The following NHS variants were observed in gnomAD, a reference collection of about 807,000 sequenced individuals.
NHS encodes NHS actin remodeling regulator, also known as actin remodeling regulator NHS.
A neutral mutation model predicts 72.5 loss-of-function variants in NHS; 5 were observed. The observed-to-expected ratio is 0.07, with a 90% confidence interval of 0.04 to 0.14. The LOEUF is 0.14. Among genes scored for constraint, NHS ranks in the 10% least tolerant of loss-of-function variants. NHS has a pLI of 1.00. For synonymous variants in NHS, 464 were observed against 547.7 expected (o/e 0.85, Z 2.13); for missense variants, 1,072 against 1,355.7 (o/e 0.79, Z 3.29).
intron 1 of NHS, among the ~76,000 whole-genome samples, chrX:17,512,474 C>T (rs769303260): frequency 2.7e-5 from 3 of 111,560 alleles, no homozygotes; most frequent in Non-Finnish European, 5.7e-5. Context: ...GTCAGAAACC[C>T]GAAGGAAAAT....
intron 1 of NHS, among the ~76,000 whole-genome samples, chrX:17,672,658 T>C (rs756352639): frequency 8.9e-6 from 1 of 112,528 alleles, no homozygotes; most frequent in South Asian, 3.7e-4. Flanking sequence ...TCCTGGTCAG[T>C]AGGTCGCCAT....
chrX:17,718,932 AAG>A (rs1282970350), intron 3 of NHS, among the ~76,000 whole-genome samples: 3 of 92,389 alleles, frequency 3.2e-5, no homozygotes, highest in Admixed American at 1.2e-4. Context: ...AAAGGAAGGA[AAG>A]AGGAAGGAAG....
chrX:17,691,064 T>C (rs1203348587), intron 2 of NHS, among the ~76,000 whole-genome samples: 2 of 111,297 alleles, frequency 1.8e-5, no homozygotes, highest in Non-Finnish European at 3.8e-5. Flanking sequence ...CAGAAAAAGG[T>C]ATTATTAGGG....
At chrX:17,658,498 G>A (rs1319913766) in intron 1 of NHS, among the ~76,000 whole-genome samples, 1 of 111,603 alleles carries the variant, frequency 9.0e-6, no homozygotes, top group African/African-American at 3.3e-5. Flanking sequence ...TATAATCACT[G>A]GGCAACTATT....
intron 1 of NHS, among the ~76,000 whole-genome samples, chrX:17,677,637 C>A (rs1205441290): frequency 1.8e-5 from 2 of 110,942 alleles, no homozygotes; most frequent in Non-Finnish European, 3.8e-5. Context: ...GAGAATGTGG[C>A]CTCGACAGGG....
chrX:17,414,780 A>T (rs756281669), intron 1 of NHS, among the ~76,000 whole-genome samples: 16 of 111,919 alleles, frequency 1.4e-4, no homozygotes, highest in Admixed American at 1.4e-3. Flanking sequence ...CACTCTGAAA[A>T]CGATGAATTA....
At chrX:17,513,170 G>GA (rs1288869996) in intron 1 of NHS, among the ~76,000 whole-genome samples, 1 of 111,973 alleles carries the variant, frequency 8.9e-6, no homozygotes, top group African/African-American at 3.2e-5. Flanking sequence ...TTCATTAGGG[G>GA]AAAAAATTAA....
chrX:17,403,170 G>A (rs1017030868), intron 1 of NHS, among the ~76,000 whole-genome samples: 1 of 111,679 alleles, frequency 9.0e-6, no homozygotes, highest in Non-Finnish European at 1.9e-5. Flanking sequence ...GAGAATGGAG[G>A]ATTGAACCTG....
intron 1 of NHS, among the ~76,000 whole-genome samples, chrX:17,539,393 T>C (rs192919294): frequency 5.7e-4 from 63 of 110,083 alleles, no homozygotes; most frequent in African/African-American, 2.0e-3. Context: ...TTACACCATG[T>C]ATCTGCTTCT....
At position 17,583,657 on chromosome X, in the gene NHS, C is replaced by T. The variant is rs764376682; in HGVS notation, c.566-104085C>T. On this transcript the variant is annotated intron_variant, in intron 1 of 8. Transcript: ENST00000676302. ...GCAGATAAGCAACTCCCGAAGGAAA[C>T]GAAGGAAAGTCAGTCTTCATGCCAT... 7.2e-4 allele frequency among the ~76,000 whole-genome samples: 81 copies of T among 112,075 alleles called. 2 individuals carry two copies. The highest frequency in any genetic ancestry group is 1.1e-3 in the South Asian group (3 of 2,665).
At chrX:17,602,417 T>A (rs2065655043) in intron 1 of NHS, among the ~76,000 whole-genome samples, 1 of 111,643 alleles carries the variant, frequency 9.0e-6, no homozygotes, top group Non-Finnish European at 1.9e-5. Flanking sequence ...TTTCCTACTG[T>A]GCCTCAGAAA....
chrX:17,723,770 T>TGTGTGCGCGCGCGC (rs541219770), intron 5 of NHS, among the ~76,000 whole-genome samples: 1 of 91,335 alleles, frequency 1.1e-5, no homozygotes, highest in African/African-American at 5.1e-5. Context: ...TGTGTGTGTG[T>TGTGTGCGCGCGCGC]GCGCGCGCGT....
At chrX:17,603,350 C>G (rs2065662194) in intron 1 of NHS, among the ~76,000 whole-genome samples, 1 of 112,088 alleles carries the variant, frequency 8.9e-6, no homozygotes, top group Non-Finnish European at 1.9e-5. Context: ...GGGTTTAAAT[C>G]AAGATAAACT....
chrX:17,639,789 A>G (rs2065871860), intron 1 of NHS, among the ~76,000 whole-genome samples: 1 of 111,766 alleles, frequency 8.9e-6, no homozygotes, highest in Non-Finnish European at 1.9e-5. Context: ...CAAACATTCA[A>G]ACCATAGCAT....
At chrX:17,468,313 T>G (rs187383516) in intron 1 of NHS, among the ~76,000 whole-genome samples, 11 of 111,333 alleles carry the variant, frequency 9.9e-5, no homozygotes, top group Admixed American at 9.6e-4. Flanking sequence ...TCTTGGAGCT[T>G]GAGATGTGAG....
chrX:17,490,788 T>C (rs1167047573), intron 1 of NHS, among the ~76,000 whole-genome samples: 5 of 111,967 alleles, frequency 4.5e-5, no homozygotes, highest in Non-Finnish European at 9.4e-5. Flanking sequence ...GTTTGTGTCC[T>C]CTCTTATTTC....
intron 1 of NHS, among the ~76,000 whole-genome samples, chrX:17,427,186 G>T: frequency 9.0e-6 from 1 of 111,731 alleles, no homozygotes; most frequent in Admixed American, 9.5e-5. Flanking sequence ...TAAAAGAGGT[G>T]TGGTGTGGGT....
At chrX:17,499,124 G>C (rs1042248386) in intron 1 of NHS, among the ~76,000 whole-genome samples, 5 of 111,869 alleles carry the variant, frequency 4.5e-5, no homozygotes, top group African/African-American at 9.8e-5. Flanking sequence ...ATCTGTTCTA[G>C]CACTGGCTGC....
At chrX:17,619,461 C>T (rs1447600856) in intron 1 of NHS, among the ~76,000 whole-genome samples, 1 of 112,362 alleles carries the variant, frequency 8.9e-6, no homozygotes, top group Non-Finnish European at 1.9e-5. Flanking sequence ...AAAATCAGTA[C>T]TGTCCTCATA....
Sources: allele counts gnomAD v4.1 joint callset (sites outside exome capture counted in the v4.1 genomes callset), GRCh38; gene constraint gnomAD v4.1.1; transcripts MANE v1.5; gene names NCBI Gene and HGNC (gene_info 2026-07-23, HGNC 2026-07-21).